Variants in CSMD2 observed in about 807,000 individuals in gnomAD.
The protein encoded by CSMD2 is CUB and sushi domain-containing protein 2.
A neutral mutation model predicts 398.5 loss-of-function variants in CSMD2; 130 were observed. The ratio of observed to expected loss-of-function variants is 0.33; its 90% CI spans 0.28 to 0.38. The LOEUF (loss-of-function observed/expected upper bound fraction) is 0.38. Ranked by LOEUF, CSMD2 falls within the 10% of genes least tolerant of loss-of-function variation. The pLI is 1.00. For missense variants in CSMD2, 3,829 were observed against 4,764.9 expected, an observed-to-expected ratio of 0.80 and a Z score of 5.78; for synonymous variants, 1,828 against 1,908.5, an observed-to-expected ratio of 0.96 and a Z score of 1.10.
At chr1:33,532,974 G>T in intron 64 of CSMD2, 76 bp downstream of exon 64, 1 of 1,322,876 alleles carries the variant, frequency 7.6e-7, no homozygotes, top group Non-Finnish European at 1.0e-6. Flanking sequence ...CTTCTCTTTT[G>T]CCCTCTTTCA....
Position 33,624,911 on chromosome 1 carries a change from T to A in CSMD2, c.5500+140A>T. The A allele has an allele frequency of 1.1e-6, 1 of 948,908 alleles. No individual in the cohort carries two copies. Among genetic ancestry groups the A allele is most frequent in the Non-Finnish European group, 1.6e-6 (1 of 620,530 alleles). 58.8% of individuals were successfully genotyped at this position (948,908 alleles called of 1,614,324 possible). On this transcript the variant is annotated intron_variant, in intron 34 of 70. Transcript: ENST00000373381. This position sits in a 1 kb window ranked among gnomAD's most constrained non-coding sequence, Gnocchi z 4.7. Reference sequence around the variant, plus strand: ...CACAGCGCCGGGGACTGGGGTTGACTGGGACACCCCACCTCAGCCATGCGG... The same window carrying A: ...CACAGCGCCGGGGACTGGGGTTGACAGGGACACCCCACCTCAGCCATGCGG...
intron 44 of CSMD2, among the ~76,000 whole-genome samples, chr1:33,597,758 A>G (rs971929278): frequency 6.6e-6 from 1 of 152,250 alleles, no homozygotes; most frequent in Non-Finnish European, 1.5e-5. Flanking sequence ...ACATGTACTC[A>G]AGAGAAACCC....
At chr1:34,129,729 A>C (rs1291231236) in intron 1 of CSMD2, among the ~76,000 whole-genome samples, 1 of 152,242 alleles carries the variant, frequency 6.6e-6, no homozygotes, top group Non-Finnish European at 1.5e-5. Context: ...CCTCTACTGC[A>C]GACATGCACA....
chr1:33,671,960 T>C (rs1261449350), intron 25 of CSMD2, among the ~76,000 whole-genome samples: 2 of 151,906 alleles, frequency 1.3e-5, no homozygotes, highest in South Asian at 4.2e-4. Flanking sequence ...ATAGGCAGTT[T>C]ATCTCTATCC....
chr1:34,144,832 A>C (rs1314626301), intron 1 of CSMD2, among the ~76,000 whole-genome samples: 1 of 152,200 alleles, frequency 6.6e-6, no homozygotes, highest in Non-Finnish European at 1.5e-5. Flanking sequence ...CAGTAATGAG[A>C]GTTTGTGAGC....
At chr1:33,910,776 A>T (rs1393490513) in intron 5 of CSMD2, among the ~76,000 whole-genome samples, 3 of 152,226 alleles carry the variant, frequency 2.0e-5, no homozygotes, top group Non-Finnish European at 4.4e-5. Context: ...AATGAAACTA[A>T]CACACAAGAG....
chr1:33,545,048 C>T (rs959708712), intron 57 of CSMD2, among the ~76,000 whole-genome samples: 11 of 152,112 alleles, frequency 7.2e-5, no homozygotes, highest in African/African-American at 2.4e-4. Context: ...ATGATCCCCC[C>T]ACCTTAAGTG....
chr1:33,689,073 AAGGAGGGAAGGAG>A (rs113364374), intron 25 of CSMD2, among the ~76,000 whole-genome samples: 18,893 of 148,304 alleles, frequency 0.13, 1,275 homozygotes, highest in South Asian at 0.21. Context: ...AGTGGGAAAG[AAGGAGGGAAGGAG>A]AGGAGGAGAG....
chr1:34,101,000 C>T (rs939444584), intron 1 of CSMD2, among the ~76,000 whole-genome samples: 5 of 152,122 alleles, frequency 3.3e-5, no homozygotes, highest in Admixed American at 1.3e-4. Context: ...TCCCTGAAAC[C>T]AATGTATGTT....
At chr1:34,148,777 G>T (rs996896573) in intron 1 of CSMD2, among the ~76,000 whole-genome samples, 1 of 152,136 alleles carries the variant, frequency 6.6e-6, no homozygotes, top group Non-Finnish European at 1.5e-5. Flanking sequence ...TGCTGGGGTC[G>T]GCCTTATTCT....
At chr1:33,798,686 G>A (rs1655241893) in intron 10 of CSMD2, among the ~76,000 whole-genome samples, 1 of 152,220 alleles carries the variant, frequency 6.6e-6, no homozygotes. Context: ...AGGGAGGATT[G>A]GAGGCAGAGA....
At chr1:33,795,164 G>A (rs1480902554) in intron 10 of CSMD2, among the ~76,000 whole-genome samples, 1 of 152,110 alleles carries the variant, frequency 6.6e-6, no homozygotes, top group Non-Finnish European at 1.5e-5. Flanking sequence ...AGGTCTAGGT[G>A]AAGTAGGATG....
In CSMD2 at chr1:33,610,511, G is replaced by A. The variant is rs566407321; in HGVS notation, c.6343+530C>T. Among the ~76,000 whole-genome samples, 25 of 152,276 alleles carry A rather than the reference G, an allele frequency of 1.6e-4. No individual in the cohort carries two copies. In the South Asian group the frequency reaches 2.1e-3, roughly 13 times the overall value. On this transcript the variant is annotated intron_variant, in intron 41 of 70. Coordinates refer to ENST00000373381, the MANE Select transcript of CSMD2 (RefSeq NM_001281956.2). ...GGAATGTCCCAGAATGAGTGGGGCC[G>A]GTCACGGGATCCCACTTCAGAGAGG...
chr1:34,113,447 T>C (rs1661296685), intron 1 of CSMD2, among the ~76,000 whole-genome samples: 1 of 152,216 alleles, frequency 6.6e-6, no homozygotes, highest in Non-Finnish European at 1.5e-5. Flanking sequence ...AAGACGCACA[T>C]GGGTGAACAA....
chr1:33,658,231 C>A (rs184369823), intron 26 of CSMD2, 94 bp from the exon 27 acceptor site: 61 of 1,064,472 alleles, frequency 5.7e-5, no homozygotes, highest in Non-Finnish European at 7.8e-5. Context: ...TGCCATCATC[C>A]GTGCATTGCC....
At chr1:34,152,273 T>G (rs538853215) in intron 1 of CSMD2, among the ~76,000 whole-genome samples, 1 of 152,270 alleles carries the variant, frequency 6.6e-6, no homozygotes, top group South Asian at 2.1e-4. Context: ...ACTCAGCTGT[T>G]TACCCTCCCT....
Position 33,520,056 on chromosome 1 carries a change from G to A in CSMD2, c.10598-106C>T, listed in dbSNP as rs189525549. 3.0e-5 allele frequency: 41 copies of A among 1,358,626 alleles called. No individual in the cohort carries two copies. In the East Asian group the frequency reaches 9.0e-4, roughly 30 times the overall value. The allele number at this position is 1,358,626 out of a possible 1,614,324, so 84.2% of individuals were successfully genotyped here. A position where few individuals can be genotyped will look rare whatever the true frequency, so the allele number is the denominator to read the frequency against. On this transcript the variant is annotated intron_variant, in intron 68 of 70. Coordinates refer to ENST00000373381, the MANE Select transcript of CSMD2 (RefSeq NM_001281956.2). The stretch of plus-strand genomic sequence containing the variant: ...CTTGGGAAGCAGGGCTGCCACTCAG[G>A]GTGCTCCTCACTCCTGCTCAGCACG...
At chr1:33,577,228 C>T (rs1344326214) in intron 49 of CSMD2, 68 bp downstream of exon 49, 1 of 1,460,436 alleles carries the variant, frequency 6.8e-7, no homozygotes, top group Non-Finnish European at 9.3e-7. Flanking sequence ...GTGACTAGTC[C>T]TGGGACAAAC....
rs1218460586 is a variant in CSMD2, at chr1:33,537,297, G to T, written c.9805+139C>A. On this transcript the variant is annotated intron_variant, in intron 61 of 70. Coordinates refer to ENST00000373381, the MANE Select transcript of CSMD2 (RefSeq NM_001281956.2). This position sits in a 1 kb window ranked among gnomAD's most constrained non-coding sequence, Gnocchi z 4.6. ...AGCTCTGGCTATTTTACATCCTGCT[G>T]CAGAAGCTCAGAGGATGAGATGTTC... The T allele has an allele frequency of 1.8e-6, 2 of 1,133,022 alleles. No homozygotes were observed. Among genetic ancestry groups the T allele is most frequent in the Non-Finnish European group, 2.6e-6 (2 of 778,740 alleles). 70.2% of individuals were successfully genotyped at this position (1,133,022 alleles called of 1,614,324 possible).
Sources: gnomAD v4.1 joint callset for allele counts (sites outside exome capture counted in the v4.1 genomes callset) on GRCh38, gnomAD v4.1.1 for gene constraint, Gnocchi (gnomAD v3.1) non-coding constraint, MANE v1.5 for transcripts, NCBI Gene and HGNC (gene_info 2026-07-23, HGNC 2026-07-21) for gene names.